The following H2BC5 variants were observed in gnomAD, a reference collection of about 807,000 sequenced individuals.
H2BC5 encodes the protein histone H2B type 1-D.
In H2BC5, 9 loss-of-function variants were observed where a neutral mutation model predicts 5.7. The observed-to-expected ratio is 1.57, with a 90% confidence interval of 0.95 to 2.74. The LOEUF is 2.74. H2BC5 is among the 30% of genes most tolerant of loss of function. The pLI, the probability that H2BC5 is intolerant of heterozygous loss-of-function variation, is 0.00. For synonymous variants in H2BC5, 133 were observed against 70.9 expected, an observed-to-expected ratio of 1.88 and a Z score of -4.40; for missense variants, 175 against 168.8, an observed-to-expected ratio of 1.04 and a Z score of -0.20.
downstream of H2BC5, among the ~76,000 whole-genome samples, chr6:26,158,830 T>C (rs1448877721): frequency 6.6e-6 from 1 of 152,190 alleles, no homozygotes; most frequent in African/African-American, 2.4e-5. Context: ...GTATTGTAAA[T>C]GTACAGCTCT....
downstream of H2BC5, among the ~76,000 whole-genome samples, chr6:26,159,794 G>A (rs757721656): frequency 6.6e-5 from 10 of 152,122 alleles, no homozygotes; most frequent in Admixed American, 1.3e-4. Context: ...TCCATAACAT[G>A]GCAAGCGTGG....
rs778587163 is a variant in H2BC5, at chr6:26,158,526, C to T, written c.357C>T (p.Val119=). 2.5e-6 allele frequency: 4 copies of T among 1,614,152 alleles called. No individual in the cohort carries two copies. The highest frequency in any genetic ancestry group is 3.4e-6 in the Non-Finnish European group (4 of 1,180,060). The part of the protein sequence containing the change: ...KHAVSEGTKA[V]TKYTSSK ...CCGTGTCGGAGGGCACCAAGGCCGT[C>T]ACCAAGTACACCAGTTCCAAGTAAC... Residue 119 remains valine (V), a synonymous_variant, in exon 1 of 1, where the codon GTC becomes GTT. Transcript: ENST00000377777.
chr6:26,161,009 A>T (rs1258201767), downstream of H2BC5: 1 of 152,264 alleles, frequency 6.6e-6, no homozygotes, highest in Non-Finnish European at 1.5e-5. Context: ...GGAGTTCGAG[A>T]CCAGCCTGGC....
At chr6:26,163,302 G>C (rs1764377014), downstream of H2BC5, 1 of 151,820 alleles carries the variant, frequency 6.6e-6, no homozygotes, top group South Asian at 2.1e-4. Context: ...TCTATTTTGG[G>C]CTTACCTTTA....
chr6:26,158,687 G>A, downstream of H2BC5: 3 of 1,328,960 alleles, frequency 2.3e-6, no homozygotes, highest in Non-Finnish European at 3.1e-6. Context: ...AATCTTTAAT[G>A]TTACGTTAGT....
downstream of H2BC5, among the ~76,000 whole-genome samples, chr6:26,160,216 C>T (rs777434389): frequency 2.0e-5 from 3 of 152,122 alleles, no homozygotes; most frequent in Non-Finnish European, 2.9e-5. Context: ...TTAATTTAGG[C>T]ATATCCCAGG....
downstream of H2BC5, among the ~76,000 whole-genome samples, chr6:26,159,395 T>C (rs1169522404): frequency 6.6e-6 from 1 of 152,016 alleles, no homozygotes; most frequent in Admixed American, 6.6e-5. Flanking sequence ...CAGTACAATT[T>C]ATCCTTTCCT....
chr6:26,161,743 G>C (rs916804631), downstream of H2BC5, among the ~76,000 whole-genome samples: 5 of 152,140 alleles, frequency 3.3e-5, no homozygotes. Context: ...CTGCACTCCA[G>C]CCTGGGCAAT....
downstream of H2BC5, among the ~76,000 whole-genome samples, chr6:26,159,005 T>C (rs1373645419): frequency 6.6e-6 from 1 of 152,164 alleles, no homozygotes; most frequent in African/African-American, 2.4e-5. Flanking sequence ...ATTTTTACCA[T>C]GCAGATATGT....
At chr6:26,168,349 T>C (rs1764466666) in intron 1 of H2BC5, among the ~76,000 whole-genome samples, 1 of 151,586 alleles carries the variant, frequency 6.6e-6, no homozygotes, top group African/African-American at 2.4e-5. Flanking sequence ...TCCTAGCTAG[T>C]TGGGAGGCTG....
chr6:26,162,380 C>T (rs1764366091), downstream of H2BC5, among the ~76,000 whole-genome samples: 1 of 152,178 alleles, frequency 6.6e-6, no homozygotes, highest in African/African-American at 2.4e-5. Context: ...TAGCTACCAT[C>T]ACAAACAATA....
At chr6:26,170,993 G>A (rs1764507514) in exon 2 of H2BC5, 1 of 152,134 alleles carries the variant, frequency 6.6e-6, no homozygotes, top group Non-Finnish European at 1.5e-5. Flanking sequence ...CATGAAGACA[G>A]AGGAGAAATG....
chr6:26,160,669 C>G (rs1313633474), downstream of H2BC5: 1 of 149,272 alleles, frequency 6.7e-6, no homozygotes, highest in African/African-American at 2.5e-5. Flanking sequence ...GAGTTCGAGA[C>G]CAGTCTGGCC....
chr6:26,161,947 A>C (rs995771605), downstream of H2BC5, among the ~76,000 whole-genome samples: 1 of 152,164 alleles, frequency 6.6e-6, no homozygotes, highest in African/African-American at 2.4e-5. Context: ...ATTAAAAATA[A>C]TATAAGAAAA....
At chr6:26,159,503 CA>C (rs990220479), downstream of H2BC5, among the ~76,000 whole-genome samples, 3 of 151,932 alleles carry the variant, frequency 2.0e-5, no homozygotes, top group South Asian at 2.1e-4. Context: ...AGGATGATGA[CA>C]AAAGGTTTTC....
downstream of H2BC5, among the ~76,000 whole-genome samples, chr6:26,159,772 TG>T (rs373474279): frequency 9.8e-5 from 15 of 152,296 alleles, no homozygotes; most frequent in East Asian, 2.9e-3. Context: ...TGATGGATTA[TG>T]GGATACATTT....
intron 1 of H2BC5, among the ~76,000 whole-genome samples, chr6:26,165,105 T>A (rs1378889432): frequency 6.6e-6 from 1 of 152,064 alleles, no homozygotes; most frequent in African/African-American, 2.4e-5. Flanking sequence ...AAACAAGAAA[T>A]CAGAAATCCC....
downstream of H2BC5, among the ~76,000 whole-genome samples, chr6:26,161,852 G>A (rs1219904521): frequency 6.6e-6 from 1 of 152,108 alleles, no homozygotes; most frequent in Non-Finnish European, 1.5e-5. Flanking sequence ...CACAGTACCA[G>A]AAGAAACAAT....
chr6:26,165,223 G>A (rs572082044), intron 1 of H2BC5, among the ~76,000 whole-genome samples: 4 of 152,240 alleles, frequency 2.6e-5, no homozygotes, highest in African/African-American at 9.6e-5. Flanking sequence ...ATACCCAAAT[G>A]TCTGTTTTCC....
Sources: gnomAD v4.1 joint callset for allele counts (sites outside exome capture counted in the v4.1 genomes callset) on GRCh38, gnomAD v4.1.1 for gene constraint, MANE v1.5 for transcripts, NCBI Gene and HGNC (gene_info 2026-07-23, HGNC 2026-07-21) for gene names.